The following TNKS variants were observed in gnomAD, a reference collection of about 807,000 sequenced individuals.
TNKS encodes the protein tankyrase, also known as poly [ADP-ribose] polymerase tankyrase-1.
A neutral mutation model predicts 135.8 loss-of-function variants in TNKS; 72 were observed. The ratio of observed to expected loss-of-function variants is 0.53; its 90% CI spans 0.44 to 0.64. TNKS has a LOEUF of 0.64. TNKS is among the 30% of genes least tolerant of loss of function. The probability of loss-of-function intolerance (pLI) is 0.00; values close to 1 mark genes in which losing one functional copy is unlikely to be tolerated. For synonymous variants in TNKS, 849 were observed against 649.3 expected, an observed-to-expected ratio of 1.31 and a Z score of -4.68; for missense variants, 1,769 against 1,674.0, an observed-to-expected ratio of 1.06 and a Z score of -0.99.
chr8:9,708,057 C>T (rs530931251), intron 8 of TNKS, among the ~76,000 whole-genome samples: 2 of 152,260 alleles, frequency 1.3e-5, no homozygotes, highest in African/African-American at 4.8e-5. Flanking sequence ...CATATGTGCA[C>T]ACAAATTATT....
At chr8:9,733,634 C>G (rs1469260586) in intron 15 of TNKS, among the ~76,000 whole-genome samples, 190 bp downstream of exon 15, 1 of 152,080 alleles carries the variant, frequency 6.6e-6, no homozygotes, top group East Asian at 1.9e-4. Context: ...AAGTGAATAT[C>G]TGAAATGGTT....
At chr8:9,604,162 A>G (rs1308739060) in intron 2 of TNKS, among the ~76,000 whole-genome samples, 1 of 152,174 alleles carries the variant, frequency 6.6e-6, no homozygotes, top group African/African-American at 2.4e-5. Context: ...TATGCATTAT[A>G]GGCACATTAC....
At chr8:9,667,548 G>C (rs1340049622) in intron 3 of TNKS, among the ~76,000 whole-genome samples, 1 of 152,182 alleles carries the variant, frequency 6.6e-6, no homozygotes, top group South Asian at 2.1e-4. Context: ...GCATGTGACT[G>C]CTTTTTGAAT....
chr8:9,647,086 T>C (rs1177289561), intron 3 of TNKS, among the ~76,000 whole-genome samples: 1 of 152,206 alleles, frequency 6.6e-6, no homozygotes, highest in African/African-American at 2.4e-5. Context: ...ACTTGCTATC[T>C]ATTACTGTCT....
rs2128818630 is a variant in TNKS, at chr8:9,733,420, T to C, written c.2289T>C (p.Tyr763=). Residue 763 remains tyrosine (Y), a synonymous_variant, in exon 15 of 27, where the codon TAT becomes TAC. Coordinates refer to ENST00000310430, the MANE Select transcript of TNKS (RefSeq NM_003747.3). ...ATGAAGCAGCAGCTAAAGGAAAGTA[T>C]GAAATCTGCAAGCTCCTTTTAAAAG... ...PLHEAAAKGK[Y]EICKLLLKHG... The C allele has an allele frequency of 1.9e-6, 3 of 1,613,550 alleles. No homozygotes were observed. Among genetic ancestry groups the C allele is most frequent in the Non-Finnish European group, 2.5e-6 (3 of 1,179,712 alleles).
At chr8:9,586,946 C>T (rs570594996) in intron 2 of TNKS, among the ~76,000 whole-genome samples, 27 of 152,026 alleles carry the variant, frequency 1.8e-4, no homozygotes, top group African/African-American at 6.5e-4. Context: ...GTTGGGTCTC[C>T]CGTTAGAAAG....
chr8:9,607,442 C>CTTTG (rs1365043020), intron 2 of TNKS, among the ~76,000 whole-genome samples: 1 of 152,176 alleles, frequency 6.6e-6, no homozygotes, highest in Non-Finnish European at 1.5e-5. Flanking sequence ...TTTGATTCCA[C>CTTTG]ATGCAAACTG....
intron 1 of TNKS, chr8:9,558,137 A>C (rs972774644): frequency 6.6e-6 from 1 of 152,236 alleles, no homozygotes; most frequent in Non-Finnish European, 1.5e-5. Flanking sequence ...TTCTGGAAAC[A>C]ATACTTTCCC....
intron 2 of TNKS, among the ~76,000 whole-genome samples, chr8:9,613,747 A>T (rs1206029609): frequency 1.3e-5 from 2 of 152,246 alleles, no homozygotes; most frequent in African/African-American, 4.8e-5. Context: ...CTGTAATGGC[A>T]CATTTCTATT....
intron 13 of TNKS, among the ~76,000 whole-genome samples, chr8:9,729,222 C>G (rs1805304198): frequency 1.3e-5 from 2 of 152,132 alleles, no homozygotes; most frequent in African/African-American, 2.4e-5. Context: ...TCCGCATGAC[C>G]CAGTCACCTC....
At chr8:9,577,165 C>T (rs781405018) in intron 1 of TNKS, among the ~76,000 whole-genome samples, 14 of 151,178 alleles carry the variant, frequency 9.3e-5, no homozygotes, top group Non-Finnish European at 1.6e-4. Context: ...GGAATGGTCA[C>T]GAGGATTTTG....
chr8:9,672,298 T>A (rs530385011), intron 3 of TNKS, among the ~76,000 whole-genome samples: 37 of 152,266 alleles, frequency 2.4e-4, no homozygotes, highest in African/African-American at 7.7e-4. Context: ...ATGGGGGACC[T>A]TGGAATGTAT....
Position 9,751,741 on chromosome 8 carries a change from GCCAGCA to G in TNKS, c.2966_2971del (p.Ala989_Ser991delinsGly). 6.2e-7 allele frequency: 1 copy of G among 1,614,180 alleles called. No individual in the cohort carries two copies. The highest frequency in any genetic ancestry group is 8.5e-7 in the Non-Finnish European group (1 of 1,180,030). On this transcript the variant is annotated inframe_deletion, in exon 19 of 27. Transcript: ENST00000310430. The stretch of plus-strand genomic sequence containing the variant: ...ATCCACCCCCTCCTGCCTCTCGGCT[GCCAGCA>G]GCATAGACAACCTCACTGGCCCTTT...
intron 25 of TNKS, among the ~76,000 whole-genome samples, chr8:9,769,350 C>G (rs1043343353): frequency 1.3e-5 from 2 of 152,198 alleles, no homozygotes; most frequent in Admixed American, 6.5e-5. Flanking sequence ...TGCTCTAATT[C>G]AGGTTTCACC....
At chr8:9,733,994 A>AT (rs1292636885) in intron 15 of TNKS, among the ~76,000 whole-genome samples, 2 of 152,150 alleles carry the variant, frequency 1.3e-5, no homozygotes, top group Non-Finnish European at 2.9e-5. Context: ...CTTAAAGTAT[A>AT]TTTTTAAAAA....
intron 3 of TNKS, among the ~76,000 whole-genome samples, chr8:9,655,886 G>A (rs1801343663): frequency 6.6e-6 from 1 of 152,180 alleles, no homozygotes; most frequent in African/African-American, 2.4e-5. Context: ...GAACAAAGCT[G>A]GACGGAGAAT....
chr8:9,655,155 A>G (rs973767572), intron 3 of TNKS, among the ~76,000 whole-genome samples: 2 of 152,210 alleles, frequency 1.3e-5, no homozygotes, highest in Non-Finnish European at 1.5e-5. Context: ...CTAGCCCAGC[A>G]GTCTGAGATC....
intron 11 of TNKS, among the ~76,000 whole-genome samples, chr8:9,717,328 C>G (rs1720996371): frequency 6.6e-6 from 1 of 151,614 alleles, no homozygotes; most frequent in Non-Finnish European, 1.5e-5. Flanking sequence ...AGTGCTTTAA[C>G]TATGCATACC....
chr8:9,762,506 C>CT (rs67581048), intron 21 of TNKS, among the ~76,000 whole-genome samples: 12 of 151,362 alleles, frequency 7.9e-5, no homozygotes, highest in East Asian at 5.8e-4. Flanking sequence ...GCCTGTTTTT[C>CT]TTTTTTTTTG....
Sources: gnomAD v4.1 joint callset for allele counts (sites outside exome capture counted in the v4.1 genomes callset) on GRCh38, gnomAD v4.1.1 for gene constraint, MANE v1.5 for transcripts, NCBI Gene and HGNC (gene_info 2026-07-23, HGNC 2026-07-21) for gene names.